OTOGL: variants seen among roughly 807,000 people sequenced by gnomAD.
OTOGL encodes the protein otogelin-like protein.
Under a neutral mutation model 318.5 loss-of-function variants are expected in OTOGL, and 285 were observed. That is an observed-to-expected ratio of 0.89 (90% CI 0.81 to 0.99). The LOEUF (loss-of-function observed/expected upper bound fraction) is 0.99. Ranked by LOEUF, OTOGL falls within the 50% of genes least tolerant of loss-of-function variation. OTOGL has a pLI of 0.00. For synonymous variants in OTOGL, 987 were observed against 936.5 expected (o/e 1.05, Z -0.99); for missense variants, 2,899 against 2,845.6 (o/e 1.02, Z -0.43).
At position 80,356,337 on chromosome 12, in the gene OTOGL, T is replaced by C; in HGVS notation, c.5807-79T>C. ...CCGTCTTTGAGTTTCCTGTCTTGAG[T>C]TGGCAGTCATTTCCCTGCTTTGAGT... On this transcript the variant is annotated intron_variant, in intron 47 of 58. Coordinates refer to ENST00000547103, the MANE Select transcript of OTOGL (RefSeq NM_001378609.3). The C allele has an allele frequency of 2.8e-6, 3 of 1,063,112 alleles. No individual in the cohort carries two copies. The East Asian group carries it at 7.4e-5, about 26-fold the overall frequency. 65.9% of individuals were successfully genotyped at this position (1,063,112 alleles called of 1,614,324 possible). A position where few individuals can be genotyped will look rare whatever the true frequency, so the allele number is the denominator to read the frequency against.
At chr12:80,310,289 A>G (rs1886546097) in intron 29 of OTOGL, among the ~76,000 whole-genome samples, 1 of 152,192 alleles carries the variant, frequency 6.6e-6, no homozygotes, top group South Asian at 2.1e-4. Context: ...GACAGAAATG[A>G]AGAAGATGAA....
chr12:80,118,413 G>T (rs1870295025), intron 1 of OTOGL, among the ~76,000 whole-genome samples: 1 of 152,152 alleles, frequency 6.6e-6, no homozygotes, highest in Non-Finnish European at 1.5e-5. Flanking sequence ...GCTAGGAGGG[G>T]GATAGAAGGA....
intron 51 of OTOGL, 23 bp downstream of exon 51, chr12:80,358,798 G>T: frequency 6.3e-7 from 1 of 1,576,520 alleles, no homozygotes; most frequent in South Asian, 1.1e-5. Flanking sequence ...CATATTTTAA[G>T]GTTTCATTAT....
chr12:80,307,134 C>G (rs376281236), intron 29 of OTOGL, among the ~76,000 whole-genome samples: 1 of 150,614 alleles, frequency 6.6e-6, no homozygotes, highest in African/African-American at 2.5e-5. Context: ...GTAAGGTCAC[C>G]GATCAACAGG....
intron 4 of OTOGL, among the ~76,000 whole-genome samples, chr12:80,215,967 T>C (rs1877676515): frequency 6.6e-6 from 1 of 152,018 alleles, no homozygotes; most frequent in African/African-American, 2.4e-5. Context: ...TTGAAACCAT[T>C]GTGTGGGGCA....
At chr12:80,358,413 T>A in intron 50 of OTOGL, 64 bp downstream of exon 50, 1 of 1,299,500 alleles carries the variant, frequency 7.7e-7, no homozygotes, top group Non-Finnish European at 1.1e-6. Flanking sequence ...GCCCAGTGCA[T>A]CTTAGTTGGC....
chr12:80,206,535 G>C (rs1219285987), intron 1 of OTOGL, among the ~76,000 whole-genome samples: 1 of 152,012 alleles, frequency 6.6e-6, no homozygotes, highest in East Asian at 1.9e-4. Flanking sequence ...TTTTGAGACA[G>C]GGTCTTGCTC....
At chr12:80,358,115 G>A in intron 49 of OTOGL, 133 bp from the exon 50 acceptor site, 2 of 664,222 alleles carry the variant, frequency 3.0e-6, no homozygotes, top group Non-Finnish European at 5.2e-6. Flanking sequence ...GCCAAATAAG[G>A]AAATATACCT....
intron 5 of OTOGL, 24 bp downstream of exon 5, chr12:80,217,688 C>T: frequency 6.9e-7 from 1 of 1,452,798 alleles, no homozygotes; most frequent in Non-Finnish European, 9.3e-7. Context: ...CTTAGGTTTT[C>T]ATATTTGCTT....
intron 1 of OTOGL, among the ~76,000 whole-genome samples, chr12:80,145,622 G>A (rs1211685762): frequency 2.0e-5 from 3 of 151,878 alleles, no homozygotes; most frequent in Non-Finnish European, 4.4e-5. Flanking sequence ...GATGGGGATG[G>A]CATTGAATCT....
intron 1 of OTOGL, among the ~76,000 whole-genome samples, chr12:80,106,902 A>AT (rs140287378): frequency 2.7e-4 from 40 of 149,896 alleles, no homozygotes; most frequent in African/African-American, 6.4e-4. Context: ...TTTTTGAAGC[A>AT]TTTTTTTTTA....
At chr12:80,369,233 C>T (rs1471996201) in intron 55 of OTOGL, among the ~76,000 whole-genome samples, 3 of 151,920 alleles carry the variant, frequency 2.0e-5, no homozygotes, top group African/African-American at 7.2e-5. Context: ...ATACCTGAAT[C>T]CAATGAGCTT....
intron 1 of OTOGL, among the ~76,000 whole-genome samples, chr12:80,136,678 CT>C (rs1328204366): frequency 1.3e-5 from 2 of 152,104 alleles, no homozygotes; most frequent in Non-Finnish European, 2.9e-5. Flanking sequence ...CGGTATAGGT[CT>C]TTTTCAAATG....
intron 1 of OTOGL, among the ~76,000 whole-genome samples, chr12:80,207,131 G>A (rs1413792503): frequency 6.6e-6 from 1 of 151,982 alleles, no homozygotes; most frequent in Admixed American, 6.6e-5. Flanking sequence ...ATTATAAAAT[G>A]TTTATTTTAT....
At chr12:80,127,986 C>T (rs1309112483) in intron 1 of OTOGL, among the ~76,000 whole-genome samples, 1 of 152,208 alleles carries the variant, frequency 6.6e-6, no homozygotes, top group Non-Finnish European at 1.5e-5. Flanking sequence ...TGGGTTCAAA[C>T]TTCCTCCTTT....
chr12:80,186,408 C>G (rs1875293199), intron 1 of OTOGL, among the ~76,000 whole-genome samples: 2 of 152,094 alleles, frequency 1.3e-5, no homozygotes, highest in Admixed American at 1.3e-4. Flanking sequence ...TCTCGGATGT[C>G]TCTTGTATTA....
At chr12:80,340,785 G>T (rs1269351115) in intron 43 of OTOGL, among the ~76,000 whole-genome samples, 2 of 152,136 alleles carry the variant, frequency 1.3e-5, no homozygotes, top group African/African-American at 4.8e-5. Flanking sequence ...GGAATGAGAG[G>T]CTTATATTGA....
chr12:80,198,278 C>T (rs1346467901), intron 1 of OTOGL, among the ~76,000 whole-genome samples: 3 of 152,102 alleles, frequency 2.0e-5, no homozygotes, highest in Non-Finnish European at 4.4e-5. Flanking sequence ...TTGTGGTAAG[C>T]TTCCTATCAG....
chr12:80,320,689 T>C lies in OTOGL; in HGVS notation c.4070T>C (p.Phe1357Ser), dbSNP rs376927560. The C allele has an allele frequency of 1.2e-6, 2 of 1,601,734 alleles. No individual in the cohort carries two copies. Among genetic ancestry groups the C allele is most frequent in the Non-Finnish European group, 1.7e-6 (2 of 1,173,774 alleles). Reference sequence around the variant, plus strand: ...GAAGAATTTAAACATTCAAGTAGCTTCAGCATAGAAGGTATGTTTCCTGAG... The same window carrying C: ...GAAGAATTTAAACATTCAAGTAGCTCCAGCATAGAAGGTATGTTTCCTGAG... The part of the protein sequence containing the change: ...DSEEFKHSSS[F>S]SIEEIQAAVP... Residue 1357 changes from phenylalanine to serine, a missense_variant, in exon 34 of 59, where the codon TTC becomes TCC. Phe to Ser is a radical substitution (Grantham distance 155). This residue lies in a region of OTOGL where 2,607 missense variants were observed against 2,524.9 expected (regional missense o/e 1.03). Coordinates refer to ENST00000547103, the MANE Select transcript of OTOGL (RefSeq NM_001378609.3).
Sources: allele counts gnomAD v4.1 joint callset (sites outside exome capture counted in the v4.1 genomes callset), GRCh38; gene constraint gnomAD v4.1.1; regional missense constraint gnomAD v4.1.1; transcripts MANE v1.5; gene names NCBI Gene and HGNC (gene_info 2026-07-23, HGNC 2026-07-21).